Variants in AS3MT observed in about 807,000 individuals in gnomAD.
AS3MT encodes the protein S-adenosyl-L-methionine:arsenic(III) methyltransferase.
In AS3MT, 47 loss-of-function variants were observed where a neutral mutation model predicts 45.3. The observed-to-expected ratio is 1.04, with a 90% CI of 0.82 to 1.32. AS3MT has a LOEUF of 1.32. Among genes scored for constraint, AS3MT ranks in the 40% most tolerant of loss-of-function variants. AS3MT has a pLI of 0.00. For synonymous variants in AS3MT, 141 were observed against 152.8 expected (o/e 0.92, Z 0.57); for missense variants, 396 against 451.1 (o/e 0.88, Z 1.11).
intron 9 of AS3MT, among the ~76,000 whole-genome samples, chr10:102,886,957 G>A (rs1844969527): frequency 6.6e-6 from 1 of 152,060 alleles, no homozygotes; most frequent in Non-Finnish European, 1.5e-5. Flanking sequence ...TTTTGATATA[G>A]GCATTTATTG....
chr10:102,870,795 G>A (rs1438673879), intron 3 of AS3MT, among the ~76,000 whole-genome samples: 4 of 152,012 alleles, frequency 2.6e-5, no homozygotes, highest in Admixed American at 2.0e-4. Context: ...CCAACCCTGC[G>A]CATCCAGCAC....
At chr10:102,883,105 GTT>G (rs199951226) in intron 9 of AS3MT, among the ~76,000 whole-genome samples, 8 of 140,244 alleles carry the variant, frequency 5.7e-5, no homozygotes, top group Non-Finnish European at 7.7e-5. Flanking sequence ...TATATATATG[GTT>G]TTTTTTTTTT....
intron 6 of AS3MT, 137 bp downstream of exon 6, chr10:102,874,798 G>A: frequency 1.5e-6 from 1 of 682,506 alleles, no homozygotes; most frequent in Non-Finnish European, 2.6e-6. Context: ...GGCAAAAGGG[G>A]GAAGGGGCAG....
At chr10:102,899,032 G>C (rs1308785835) in intron 10 of AS3MT, among the ~76,000 whole-genome samples, 2 of 152,144 alleles carry the variant, frequency 1.3e-5, no homozygotes, top group Non-Finnish European at 2.9e-5. Flanking sequence ...TTTTGAACTA[G>C]AAGCATGCAT....
intron 9 of AS3MT, among the ~76,000 whole-genome samples, 199 bp downstream of exon 9, chr10:102,879,190 C>T (rs1844835234): frequency 6.6e-6 from 1 of 152,054 alleles, no homozygotes; most frequent in South Asian, 2.1e-4. Context: ...GACAGGGTCT[C>T]GCTCTGTCAC....
In AS3MT at chr10:102,890,588, G is replaced by A; in HGVS notation, c.930G>A (p.Leu310=). ...VEVDEETAAI[L]KNSRFAQDFL... The stretch of plus-strand genomic sequence containing the variant: ...TGGATGAAGAAACAGCAGCTATCTT[G>A]AAGAATTCAAGATTTGCTCAAGATT... Residue 310 remains leucine, a synonymous_variant, in exon 10 of 11, where the codon TTG becomes TTA. Transcript: ENST00000369880. 6.2e-7 allele frequency: 1 copy of A among 1,611,312 alleles called. No individual in the cohort carries two copies. Among genetic ancestry groups the A allele is most frequent in the Non-Finnish European group, 8.5e-7 (1 of 1,179,018 alleles).
At chr10:102,874,210 G>A (rs942207887) in intron 5 of AS3MT, among the ~76,000 whole-genome samples, 1 of 151,204 alleles carries the variant, frequency 6.6e-6, no homozygotes, top group Admixed American at 6.6e-5. Flanking sequence ...CCGAGATTGC[G>A]CCATTGTACT....
chr10:102,896,531 G>A (rs139579156), intron 10 of AS3MT, among the ~76,000 whole-genome samples: 3 of 151,886 alleles, frequency 2.0e-5, no homozygotes, highest in South Asian at 2.1e-4. Context: ...TTACTAGGCC[G>A]GGCACGGTGG....
chr10:102,873,355 A>C, intron 5 of AS3MT, 122 bp downstream of exon 5: 2 of 744,860 alleles, frequency 2.7e-6, no homozygotes, highest in Non-Finnish European at 3.8e-6. Context: ...ATGTCAGCTC[A>C]CGATAACCTC....
rs532108288 is a variant in AS3MT, at chr10:102,893,990, A to AG, written c.1020+3316dup. ...TTTTGGCTCTAAGCCCCTTGACCAT[A>AG]GGGGTCCCACCAAGGCACAAGATGG... is the stretch of plus-strand genomic sequence containing the variant. On this transcript the variant is annotated intron_variant, in intron 10 of 10. Coordinates refer to ENST00000369880, the MANE Select transcript of AS3MT (RefSeq NM_020682.4). 7.4e-3 allele frequency among the ~76,000 whole-genome samples: 1,126 copies of AG among 152,284 alleles called. 5 individuals are homozygous for AG. The highest frequency in any genetic ancestry group is 0.011 in the Non-Finnish European group (733 of 68,024).
At chr10:102,870,254 GT>G (rs764391085) in intron 3 of AS3MT, 43 bp downstream of exon 3, 1 of 1,609,776 alleles carries the variant, frequency 6.2e-7, no homozygotes, top group Admixed American at 1.7e-5. Flanking sequence ...CCAAACAGCA[GT>G]TTTCCCAAAA....
At chr10:102,886,581 G>A (rs1264212351) in intron 9 of AS3MT, among the ~76,000 whole-genome samples, 1 of 151,972 alleles carries the variant, frequency 6.6e-6, no homozygotes, top group Admixed American at 6.6e-5. Context: ...GCCTCCCAAA[G>A]TTCTGGGATT....
chr10:102,888,437 G>A (rs1844993393), intron 9 of AS3MT, among the ~76,000 whole-genome samples: 1 of 150,264 alleles, frequency 6.7e-6, no homozygotes, highest in Non-Finnish European at 1.5e-5. Flanking sequence ...TTTTTTTTCT[G>A]TGAGATGGAG....
chr10:102,869,672 T>G, intron 1 of AS3MT, 79 bp downstream of exon 1: 1 of 1,380,652 alleles, frequency 7.2e-7, no homozygotes, highest in South Asian at 1.2e-5. Flanking sequence ...CGCGAGCGCC[T>G]CCCCCGAGCT....
intron 10 of AS3MT, among the ~76,000 whole-genome samples, chr10:102,896,547 G>A (rs1351759809): frequency 6.6e-6 from 1 of 151,898 alleles, no homozygotes; most frequent in Non-Finnish European, 1.5e-5. Flanking sequence ...GGTGGCTTAC[G>A]CCTGTAATCC....
chr10:102,901,397 G>T lies in AS3MT; in HGVS notation c.*697G>T, dbSNP rs917127989. On this transcript the variant is annotated 3_prime_UTR_variant, in exon 11 of 11. Coordinates refer to ENST00000369880, the MANE Select transcript of AS3MT (RefSeq NM_020682.4). ...TTTAGTAGAGACGGGGTTTCACCAT[G>T]TTAGCCAGGATGGTCTTGATCTCCT... 1 of 151,942 alleles carries T rather than the reference G, an allele frequency of 6.6e-6. No individual in the cohort carries two copies. Among genetic ancestry groups the T allele is most frequent in the Non-Finnish European group, 1.5e-5 (1 of 68,026 alleles). The allele number at this position is 151,942 out of a possible 1,614,324, so 9.4% of individuals were successfully genotyped here.
At chr10:102,870,334 A>G (rs1844656818) in intron 3 of AS3MT, 123 bp downstream of exon 3, 2 of 1,282,188 alleles carry the variant, frequency 1.6e-6, no homozygotes, top group African/African-American at 1.5e-5. Flanking sequence ...TGTCTATTGT[A>G]AAAATCCTAA....
chr10:102,873,937 G>C (rs1216678229), intron 5 of AS3MT, among the ~76,000 whole-genome samples: 1 of 152,148 alleles, frequency 6.6e-6, no homozygotes, highest in East Asian at 1.9e-4. Flanking sequence ...GAGGAACATA[G>C]CCTGTTTACG....
chr10:102,875,779 T>G lies in AS3MT; in HGVS notation c.528+1118T>G, dbSNP rs547002407. The stretch of plus-strand genomic sequence containing the variant: ...CTGGGACTACAGGCGTGTGCCACCA[T>G]GCCCAGCTAATTTTTGTACTTTTAG... On this transcript the variant is annotated intron_variant, in intron 6 of 10. Transcript: ENST00000369880. Among the ~76,000 whole-genome samples the G allele has an allele frequency of 2.3e-3, 355 of 152,112 alleles. 1 individual carries two copies. The highest frequency in any genetic ancestry group is 3.5e-3 in the Non-Finnish European group (239 of 67,994).
Sources: allele counts gnomAD v4.1 joint callset (sites outside exome capture counted in the v4.1 genomes callset), GRCh38; gene constraint gnomAD v4.1.1; transcripts MANE v1.5; gene names NCBI Gene and HGNC (gene_info 2026-07-23, HGNC 2026-07-21).